FEM1C: variants seen among roughly 807,000 people sequenced by gnomAD.
FEM1C encodes protein fem-1 homolog C.
Under a neutral mutation model 37.6 loss-of-function variants are expected in FEM1C, and 15 were observed. The observed-to-expected ratio is 0.40, with a 90% CI of 0.27 to 0.61. FEM1C has a LOEUF of 0.61. Ranked by LOEUF, FEM1C falls within the 20% of genes least tolerant of loss-of-function variation. The pLI, the probability that FEM1C is intolerant of heterozygous loss-of-function variation, is 0.42. For missense variants in FEM1C, 532 were observed against 749.7 expected, an observed-to-expected ratio of 0.71 and a Z score of 3.39; for synonymous variants, 287 against 272.8, an observed-to-expected ratio of 1.05 and a Z score of -0.51.
At position 115,543,621 on chromosome 5, in the gene FEM1C, C is replaced by A; in HGVS notation, c.-128G>T. 1.4e-6 allele frequency: 2 copies of A among 1,451,532 alleles called. No individual in the cohort carries two copies. Among genetic ancestry groups the A allele is most frequent in the Non-Finnish European group, 1.8e-6 (2 of 1,108,710 alleles). The allele number at this position is 1,451,532 out of a possible 1,614,324, so 89.9% of individuals were successfully genotyped here. On this transcript the variant is annotated 5_prime_UTR_variant, in exon 2 of 3. Transcript: ENST00000274457. ...TAATTGCTGCACCCCAGAACGGATA[C>A]ACAACCACGAAGAGTATGTTCCGTC... is the stretch of plus-strand genomic sequence containing the variant.
intron 2 of FEM1C, among the ~76,000 whole-genome samples, chr5:115,532,469 T>C (rs1754036584): frequency 6.6e-6 from 1 of 151,862 alleles, no homozygotes; most frequent in Non-Finnish European, 1.5e-5. Flanking sequence ...TTTTCTGCCC[T>C]GGAAGGCCCT....
intron 2 of FEM1C, among the ~76,000 whole-genome samples, chr5:115,531,004 T>C (rs1043831688): frequency 5.3e-5 from 8 of 152,018 alleles, no homozygotes; most frequent in African/African-American, 1.9e-4. Flanking sequence ...TTTTTTATAT[T>C]CCCACATTTT....
rs188893310 is a variant in FEM1C at position 115,544,421 on chromosome 5, G to T, written c.-191+102C>A. On this transcript the variant is annotated intron_variant, in intron 1 of 2. Transcript: ENST00000274457. ...GCCAAGCTGTGGCCTCCAGCCCGCT[G>T]CCCGCCTTCGGCTCCCCCGGCGCCC... 7.4e-3 allele frequency: 1,150 copies of T among 154,616 alleles called. 11 individuals carry two copies. Among genetic ancestry groups the T allele is most frequent in the Non-Finnish European group, 9.7e-3 (679 of 70,076 alleles). 9.6% of individuals were successfully genotyped at this position (154,616 alleles called of 1,614,324 possible). A position where few individuals can be genotyped will look rare whatever the true frequency, so the allele number is the denominator to read the frequency against.
At chr5:115,536,013 C>T (rs944324935) in intron 2 of FEM1C, among the ~76,000 whole-genome samples, 1 of 151,876 alleles carries the variant, frequency 6.6e-6, no homozygotes, top group Non-Finnish European at 1.5e-5. Flanking sequence ...CCAGAACAGG[C>T]AAACTTAAGA....
intron 2 of FEM1C, among the ~76,000 whole-genome samples, chr5:115,526,545 T>C (rs1580378154): frequency 6.6e-6 from 1 of 152,272 alleles, no homozygotes; most frequent in South Asian, 2.1e-4. Flanking sequence ...ATGAAACACA[T>C]TAAGACATCG....
At chr5:115,544,102 C>A in intron 1 of FEM1C, 2 of 985,404 alleles carry the variant, frequency 2.0e-6, no homozygotes, top group Non-Finnish European at 2.4e-6. Context: ...GGCCTGAGGC[C>A]GGGTTTCGAG....
intron 2 of FEM1C, among the ~76,000 whole-genome samples, chr5:115,530,295 A>G (rs1342011733): frequency 6.6e-6 from 1 of 152,076 alleles, no homozygotes; most frequent in African/African-American, 2.4e-5. Flanking sequence ...TAATTAGTGA[A>G]AAAAGGAAAT....
At chr5:115,528,526 C>CTATA (rs1753951373) in intron 2 of FEM1C, among the ~76,000 whole-genome samples, 1 of 152,004 alleles carries the variant, frequency 6.6e-6, no homozygotes, top group Non-Finnish European at 1.5e-5. Flanking sequence ...GACTAGCTAT[C>CTATA]GCAAAAACTT....
In FEM1C at chr5:115,532,195, C is replaced by T. The variant is rs544528690; in HGVS notation, c.545-6578G>A. Among the ~76,000 whole-genome samples, 40 of 152,116 alleles carry T rather than the reference C, an allele frequency of 2.6e-4. No individual in the cohort carries two copies. In the South Asian group the frequency reaches 8.1e-3, roughly 31 times the overall value. On this transcript the variant is annotated intron_variant, in intron 2 of 2. Transcript: ENST00000274457. Reference sequence around the variant, plus strand: ...TCACATAACATCTACTATTATAATACCTTACACTAGTATAATGCTACTGCT... The same window carrying T: ...TCACATAACATCTACTATTATAATATCTTACACTAGTATAATGCTACTGCT...
chr5:115,538,582 A>T (rs1287089164), intron 2 of FEM1C, among the ~76,000 whole-genome samples: 2 of 151,966 alleles, frequency 1.3e-5, no homozygotes, highest in Non-Finnish European at 2.9e-5. Context: ...ACAGTGTTGT[A>T]GTAGAATGCA....
chr5:115,536,384 A>C (rs892393807), intron 2 of FEM1C, among the ~76,000 whole-genome samples: 3 of 151,988 alleles, frequency 2.0e-5, no homozygotes, highest in African/African-American at 7.2e-5. Flanking sequence ...TCTTCAGCCT[A>C]CTATGCTTGG....
intron 2 of FEM1C, among the ~76,000 whole-genome samples, chr5:115,542,747 AG>A (rs1295442924): frequency 6.6e-6 from 1 of 152,234 alleles, no homozygotes; most frequent in Non-Finnish European, 1.5e-5. Context: ...ACTGCTTAAC[AG>A]AGTAACAGAA....
In FEM1C at chr5:115,543,245, C is replaced by A; in HGVS notation, c.249G>T (p.Gly83=). 1.9e-6 allele frequency: 3 copies of A among 1,614,186 alleles called. No individual in the cohort carries two copies. The highest frequency in any genetic ancestry group is 1.1e-5 in the South Asian group (1 of 91,080). Reference sequence around the variant, plus strand: ...CAGAAGCGGCCCATAAAGGGGGAGCCCCCTCAATGGTTTCGCCATCAAAAT... The same window carrying A: ...CAGAAGCGGCCCATAAAGGGGGAGCACCCTCAATGGTTTCGCCATCAAAAT... ...SVNFDGETIE[G]APPLWAASAA... The change falls in exon 2 of 3, where the codon GGG becomes GGT. Residue 83 remains glycine, a synonymous_variant. Coordinates refer to ENST00000274457, the MANE Select transcript of FEM1C (RefSeq NM_020177.3).
intron 2 of FEM1C, among the ~76,000 whole-genome samples, chr5:115,542,152 G>C (rs1205422126): frequency 6.6e-6 from 1 of 152,040 alleles, no homozygotes; most frequent in African/African-American, 2.4e-5. Flanking sequence ...TTGCTTTTAA[G>C]GGTTAAAAAA....
Position 115,537,377 on chromosome 5 carries a change from C to T in FEM1C, c.544+5573G>A, listed in dbSNP as rs1754150657. Among the ~76,000 whole-genome samples the T allele has an allele frequency of 2.0e-5, 3 of 152,156 alleles. No homozygotes were observed. In the East Asian group the frequency reaches 5.8e-4, roughly 29 times the overall value. On this transcript the variant is annotated intron_variant, in intron 2 of 2. Coordinates refer to ENST00000274457, the MANE Select transcript of FEM1C (RefSeq NM_020177.3). Reference sequence around the variant, plus strand: ...CTATCTTAAGCTCATGTTACTGCCACGAACAATATGAACAGCAGTAGTGCT... The same window carrying T: ...CTATCTTAAGCTCATGTTACTGCCATGAACAATATGAACAGCAGTAGTGCT...
chr5:115,529,606 A>G (rs1053428677), intron 2 of FEM1C, among the ~76,000 whole-genome samples: 1 of 152,110 alleles, frequency 6.6e-6, no homozygotes, highest in African/African-American at 2.4e-5. Flanking sequence ...AACATCAACA[A>G]AAAGGGTAAA....
intron 2 of FEM1C, among the ~76,000 whole-genome samples, chr5:115,537,344 C>T (rs1047478114): frequency 6.6e-6 from 1 of 151,968 alleles, no homozygotes; most frequent in African/African-American, 2.4e-5. Context: ...GTAAGTGAAA[C>T]GTAACTTCTA....
chr5:115,541,362 T>C (rs1028416262), intron 2 of FEM1C, among the ~76,000 whole-genome samples: 4 of 152,164 alleles, frequency 2.6e-5, no homozygotes, highest in Non-Finnish European at 5.9e-5. Context: ...AAAATCACAA[T>C]GATCTTGTAT....
rs1359735489 is a variant in FEM1C, at chr5:115,543,525, A to C, written c.-32T>G. ...CCAGTTGAGAGGCTGTGCTTTATTT[A>C]TCTTTCAAAGCAGAGCTCCAGTTTA... On this transcript the variant is annotated 5_prime_UTR_variant, in exon 2 of 3. Transcript: ENST00000274457. 14 of 1,554,966 alleles carry C rather than the reference A, an allele frequency of 9.0e-6. No homozygotes were observed. Among genetic ancestry groups the C allele is most frequent in the Middle Eastern group, 2.0e-4 (1 of 5,122 alleles).
Sources: gnomAD v4.1 joint callset for allele counts (sites outside exome capture counted in the v4.1 genomes callset) on GRCh38, gnomAD v4.1.1 for gene constraint, MANE v1.5 for transcripts, NCBI Gene and HGNC (gene_info 2026-07-23, HGNC 2026-07-21) for gene names.